CKAP5: variants seen among roughly 807,000 people sequenced by gnomAD.
CKAP5 encodes cytoskeleton-associated protein 5.
In CKAP5, 27 loss-of-function variants were observed where a neutral mutation model predicts 232.8. The observed-to-expected ratio is 0.12, with a 90% CI of 0.09 to 0.16. The LOEUF (loss-of-function observed/expected upper bound fraction) is 0.16. Among genes scored for constraint, CKAP5 ranks in the 10% least tolerant of loss-of-function variants. CKAP5 has a pLI of 1.00. For synonymous variants in CKAP5, 785 were observed against 841.1 expected, an observed-to-expected ratio of 0.93 and a Z score of 1.16; for missense variants, 1,838 against 2,424.7, an observed-to-expected ratio of 0.76 and a Z score of 5.08.
intron 20 of CKAP5, among the ~76,000 whole-genome samples, chr11:46,778,837 G>A (rs1211547425): frequency 6.6e-6 from 1 of 152,184 alleles, no homozygotes; most frequent in Non-Finnish European, 1.5e-5. Flanking sequence ...TACTTTGGGA[G>A]GCCAAGGCGG....
intron 6 of CKAP5, 90 bp from the exon 7 acceptor site, chr11:46,809,590 T>G (rs1337082912): frequency 6.0e-6 from 8 of 1,339,860 alleles, no homozygotes; most frequent in African/African-American, 1.5e-5. Context: ...TGATGAAATT[T>G]TAATAGAGAA....
rs1277696822 is a variant in CKAP5 at position 46,743,271 on chromosome 11, G to A, written c.*752C>T. ...CCAAGAGCTTCTTGAAACGACTGGT[G>A]ATAATTGGAGGGAAATCATGACCAA... On this transcript the variant is annotated 3_prime_UTR_variant, in exon 44 of 44. Coordinates refer to ENST00000529230, the MANE Select transcript of CKAP5 (RefSeq NM_001008938.4). 6.6e-6 allele frequency: 1 copy of A among 152,180 alleles called. No homozygotes were observed. The highest frequency in any genetic ancestry group is 1.9e-4 in the East Asian group (1 of 5,192). 9.4% of individuals were successfully genotyped at this position (152,180 alleles called of 1,614,324 possible).
At position 46,799,163 on chromosome 11, in the gene CKAP5, A is replaced by AT. The variant is rs375825418; in HGVS notation, c.1084-992dup. 9.6e-4 allele frequency among the ~76,000 whole-genome samples: 141 copies of AT among 147,208 alleles called. 2 individuals are homozygous for AT. The highest frequency in any genetic ancestry group is 2.4e-3 in the African/African-American group (95 of 40,224). ...TCAGGTATATGTCACCACACCTGCT[A>AT]TTTTTTTTTTTAATTCTTAATTTCT... On this transcript the variant is annotated intron_variant, in intron 9 of 43. Coordinates refer to ENST00000529230, the MANE Select transcript of CKAP5 (RefSeq NM_001008938.4).
At chr11:46,770,749 A>T (rs1555162850) in intron 25 of CKAP5, 39 bp downstream of exon 25, 2 of 1,579,968 alleles carry the variant, frequency 1.3e-6, no homozygotes, top group Admixed American at 3.4e-5. Flanking sequence ...ATATTTTTTA[A>T]TAGCTTTTAA....
In CKAP5 at chr11:46,813,116, G is replaced by A. The variant is rs116486157; in HGVS notation, c.459-1938C>T. Among the ~76,000 whole-genome samples the A allele has an allele frequency of 2.1e-3, 314 of 152,166 alleles. 1 individual carries two copies. The highest frequency in any genetic ancestry group is 6.8e-3 in the African/African-American group (284 of 41,500). On this transcript the variant is annotated intron_variant, in intron 4 of 43. Coordinates refer to ENST00000529230, the MANE Select transcript of CKAP5 (RefSeq NM_001008938.4). ...ACAATAAAAAAAGAATTTTTAATAA[G>A]ATACCTGGCTATGTGATATAGTTTA...
chr11:46,836,111 A>G (rs1939912012), intron 1 of CKAP5, among the ~76,000 whole-genome samples: 2 of 152,260 alleles, frequency 1.3e-5, no homozygotes, highest in African/African-American at 4.8e-5. Flanking sequence ...CAAAGACCAG[A>G]GAAGGCTAAT....
Position 46,809,974 on chromosome 11 carries a change from TC to T in CKAP5, c.631-101del. 16 of 1,209,914 alleles carry T rather than the reference TC, an allele frequency of 1.3e-5. No individual in the cohort carries two copies. In the African/African-American group the frequency reaches 2.0e-4, roughly 15 times the overall value. The allele number at this position is 1,209,914 out of a possible 1,614,324, so 74.9% of individuals were successfully genotyped here. ...TTGACATATCAGGACCCAATTTCTT[TC>T]TTTTTTTTTTATTGGAGACAGAGTC... On this transcript the variant is annotated intron_variant, in intron 5 of 43. Coordinates refer to ENST00000529230, the MANE Select transcript of CKAP5 (RefSeq NM_001008938.4).
At chr11:46,806,412 G>C (rs1939155886) in intron 8 of CKAP5, among the ~76,000 whole-genome samples, 1 of 152,128 alleles carries the variant, frequency 6.6e-6, no homozygotes, top group South Asian at 2.1e-4. Flanking sequence ...ATAACCAAAT[G>C]CTGGAAGAAT....
At position 46,784,621 on chromosome 11, in the gene CKAP5, A is replaced by G; in HGVS notation, c.2021T>C (p.Phe674Ser). 6.2e-7 allele frequency: 1 copy of G among 1,614,126 alleles called. No homozygotes were observed. Among genetic ancestry groups the G allele is most frequent in the South Asian group, 1.1e-5 (1 of 91,086 alleles). Residue 674 changes from phenylalanine (F) to serine (S), a missense_variant, in exon 17 of 44, where the codon TTT becomes TCT. Phe to Ser is a radical substitution (Grantham distance 155, BLOSUM62 -2). Transcript: ENST00000529230. ...IVALIAQKGNFSKTSAQVVLD... is the reference protein window; with the variant it reads ...IVALIAQKGNSSKTSAQVVLD... The stretch of plus-strand genomic sequence containing the variant: ...TACAACCTGAGCTGACGTTTTGGAA[A>G]AATTTCCCTTCTGGGCAATCAAAGC...
At chr11:46,839,251 G>A (rs899772289) in intron 1 of CKAP5, among the ~76,000 whole-genome samples, 11 of 152,188 alleles carry the variant, frequency 7.2e-5, no homozygotes, top group African/African-American at 2.7e-4. Context: ...CAGTAATACA[G>A]GCTGGGGGTA....
chr11:46,788,881 T>C, intron 15 of CKAP5, 108 bp from the exon 16 acceptor site: 6 of 756,530 alleles, frequency 7.9e-6, no homozygotes, highest in South Asian at 3.1e-5. Context: ...AGGAGTGGAA[T>C]AGAACTGAGG....
At chr11:46,829,453 A>G (rs1175582460) in intron 1 of CKAP5, among the ~76,000 whole-genome samples, 3 of 152,138 alleles carry the variant, frequency 2.0e-5, no homozygotes, top group Non-Finnish European at 4.4e-5. Context: ...GCTAAGGTAG[A>G]AGGATTGCCT....
intron 29 of CKAP5, 52 bp downstream of exon 29, chr11:46,763,429 C>T (rs2065173353): frequency 9.4e-6 from 14 of 1,484,680 alleles, no homozygotes; most frequent in East Asian, 9.3e-5. Context: ...TCATAGGGCT[C>T]GGTATTTTTA....
intron 1 of CKAP5, among the ~76,000 whole-genome samples, chr11:46,832,397 T>G (rs1352856501): frequency 6.6e-6 from 1 of 152,194 alleles, no homozygotes; most frequent in African/African-American, 2.4e-5. Flanking sequence ...GCCATGGCAG[T>G]AAAACAGTTG....
At chr11:46,825,173 G>A (rs1939624354) in intron 1 of CKAP5, among the ~76,000 whole-genome samples, 1 of 152,114 alleles carries the variant, frequency 6.6e-6, no homozygotes, top group Non-Finnish European at 1.5e-5. Context: ...ATACATGAAG[G>A]CAGAACTTAG....
intron 4 of CKAP5, among the ~76,000 whole-genome samples, chr11:46,814,091 C>T (rs1296031466): frequency 7.2e-6 from 1 of 138,528 alleles, no homozygotes; most frequent in Admixed American, 7.8e-5. Flanking sequence ...GAGATCGTAC[C>T]ACTGCACTCC....
At chr11:46,807,111 G>T (rs1051327956) in intron 8 of CKAP5, among the ~76,000 whole-genome samples, 3 of 152,044 alleles carry the variant, frequency 2.0e-5, no homozygotes, top group African/African-American at 7.3e-5. Context: ...CAGTGTTGTC[G>T]GCCAAGAGTT....
intron 11 of CKAP5, 89 bp from the exon 12 acceptor site, chr11:46,797,029 G>T: frequency 4.1e-6 from 6 of 1,454,244 alleles, no homozygotes. Flanking sequence ...GCTAGATAAA[G>T]AATTTGCTTT....
intron 1 of CKAP5, among the ~76,000 whole-genome samples, chr11:46,837,699 G>A (rs990691286): frequency 2.0e-5 from 3 of 151,988 alleles, no homozygotes; most frequent in African/African-American, 7.3e-5. Flanking sequence ...GTATGTTAAA[G>A]GAATACAGGA....
Sources: allele counts gnomAD v4.1 joint callset (sites outside exome capture counted in the v4.1 genomes callset), GRCh38; gene constraint gnomAD v4.1.1; transcripts MANE v1.5; gene names NCBI Gene and HGNC (gene_info 2026-07-23, HGNC 2026-07-21).